Variants in NOX4 observed in about 807,000 individuals in gnomAD.
NOX4 encodes the protein NADPH oxidase 4.
A neutral mutation model predicts 87.6 loss-of-function variants in NOX4; 69 were observed. The observed-to-expected ratio is 0.79, with a 90% CI of 0.65 to 0.96. The LOEUF is 0.96. Among genes scored for constraint, NOX4 ranks in the 40% least tolerant of loss-of-function variants. The probability of loss-of-function intolerance (pLI) is 0.00; values close to 1 mark genes in which losing one functional copy is unlikely to be tolerated. For synonymous variants in NOX4, 275 were observed against 238.2 expected (o/e 1.15, Z -1.42); for missense variants, 680 against 681.5 (o/e 1.00, Z 0.02).
chr11:89,488,753 A>T (rs994162344), intron 2 of NOX4, among the ~76,000 whole-genome samples: 2 of 152,248 alleles, frequency 1.3e-5, no homozygotes, highest in African/African-American at 4.8e-5. Flanking sequence ...GTAATAGATG[A>T]GATAAAGCTT....
At chr11:89,381,036 A>G (rs1940246881) in intron 11 of NOX4, among the ~76,000 whole-genome samples, 1 of 152,308 alleles carries the variant, frequency 6.6e-6, no homozygotes, top group South Asian at 2.1e-4. Context: ...TCTTTGTGAG[A>G]TCCATAGCCA....
At chr11:89,378,714 A>G (rs1472482966) in intron 11 of NOX4, among the ~76,000 whole-genome samples, 1 of 152,122 alleles carries the variant, frequency 6.6e-6, no homozygotes, top group Non-Finnish European at 1.5e-5. Flanking sequence ...GAGAATAAAA[A>G]CGTCAAAGGT....
chr11:89,332,496 G>A (rs1945514873), intron 17 of NOX4, among the ~76,000 whole-genome samples: 1 of 151,702 alleles, frequency 6.6e-6, no homozygotes, highest in African/African-American at 2.4e-5. Flanking sequence ...TTTTCTAATA[G>A]TTTATTAAAT....
intron 8 of NOX4, among the ~76,000 whole-genome samples, chr11:89,409,355 G>A (rs546841813): frequency 6.6e-6 from 1 of 152,102 alleles, no homozygotes; most frequent in South Asian, 2.1e-4. Context: ...AAAAGTATTT[G>A]GTCTATCTCC....
the NOX4 span, among the ~76,000 whole-genome samples, chr11:89,524,196 T>G: frequency 1.3e-5 from 2 of 152,194 alleles, no homozygotes; most frequent in Non-Finnish European, 1.5e-5. Context: ...TTTCTGAAAA[T>G]GTATTAACCT....
In NOX4 at chr11:89,483,760, T is replaced by A. The variant is rs1016279055; in HGVS notation, c.153+6698A>T. Among the ~76,000 whole-genome samples the A allele has an allele frequency of 2.0e-5, 3 of 152,174 alleles. No homozygotes were observed. The South Asian group carries it at 6.2e-4, about 32-fold the overall frequency. On this transcript the variant is annotated intron_variant, in intron 2 of 17. Coordinates refer to ENST00000263317, the MANE Select transcript of NOX4 (RefSeq NM_016931.5). ...TAAGACAGTAGATTTTCTGCTTTTATCACAAAAAAAGATAAGCATGTAAGG... is the reference window on the plus strand; with the variant it reads ...TAAGACAGTAGATTTTCTGCTTTTAACACAAAAAAAGATAAGCATGTAAGG...
chr11:89,341,407 G>C (rs1187320772), intron 14 of NOX4, among the ~76,000 whole-genome samples: 1 of 152,086 alleles, frequency 6.6e-6, no homozygotes, highest in African/African-American at 2.4e-5. Flanking sequence ...ACAGGTGTGA[G>C]CCAATGTGCC....
chr11:89,586,279 ATAG>A, the NOX4 span, among the ~76,000 whole-genome samples: 1 of 152,146 alleles, frequency 6.6e-6, no homozygotes, highest in Non-Finnish European at 1.5e-5. Context: ...AAGCCTTATA[ATAG>A]TAGCAGTCAG....
At chr11:89,467,798 G>C (rs1467431050) in intron 2 of NOX4, among the ~76,000 whole-genome samples, 4 of 152,190 alleles carry the variant, frequency 2.6e-5, no homozygotes, top group Non-Finnish European at 4.4e-5. Context: ...TTTTAAGCCA[G>C]GAAGTGGCAT....
At chr11:89,569,676 C>T in the NOX4 span, among the ~76,000 whole-genome samples, 7 of 152,118 alleles carry the variant, frequency 4.6e-5, no homozygotes, top group Admixed American at 3.3e-4. Flanking sequence ...TCGGTCATCC[C>T]AGGAATTCCA....
chr11:89,501,657 C>T (rs550814731), upstream of NOX4, among the ~76,000 whole-genome samples: 2 of 152,064 alleles, frequency 1.3e-5, no homozygotes, highest in South Asian at 2.1e-4. Flanking sequence ...CCTTCCAAGC[C>T]GAACCAAGGA....
chr11:89,575,815 A>C, the NOX4 span, among the ~76,000 whole-genome samples: 3 of 149,642 alleles, frequency 2.0e-5, 1 homozygote, highest in African/African-American at 7.4e-5. Flanking sequence ...TTTCCTTTTA[A>C]TAACTTTAAG....
chr11:89,576,943 G>T, the NOX4 span: 1 of 152,008 alleles, frequency 6.6e-6, no homozygotes. Flanking sequence ...AAATTTAAAA[G>T]TTAGAGACCC....
chr11:89,576,096 G>A, the NOX4 span, among the ~76,000 whole-genome samples: 2 of 152,196 alleles, frequency 1.3e-5, no homozygotes, highest in Non-Finnish European at 2.9e-5. Context: ...TTTGGACTTG[G>A]AACCAGAGAT....
At chr11:89,352,222 T>C (rs1590994738) in intron 13 of NOX4, among the ~76,000 whole-genome samples, 1 of 152,286 alleles carries the variant, frequency 6.6e-6, no homozygotes, top group Non-Finnish European at 1.5e-5. Flanking sequence ...ACACAATCTA[T>C]CCATGTATCA....
At chr11:89,417,565 G>T (rs1471223942) in intron 8 of NOX4, among the ~76,000 whole-genome samples, 1 of 152,024 alleles carries the variant, frequency 6.6e-6, no homozygotes, top group Non-Finnish European at 1.5e-5. Flanking sequence ...TATAATTGTT[G>T]CCATATCAAG....
chr11:89,516,625 C>G, the NOX4 span, among the ~76,000 whole-genome samples: 3 of 152,110 alleles, frequency 2.0e-5, no homozygotes, highest in Non-Finnish European at 4.4e-5. Context: ...TGATCTCTGA[C>G]TGCATTTCTT....
At chr11:89,563,046 C>T in the NOX4 span, among the ~76,000 whole-genome samples, 1 of 152,136 alleles carries the variant, frequency 6.6e-6, no homozygotes, top group Non-Finnish European at 1.5e-5. Flanking sequence ...CCTGCTTCCC[C>T]TTCACCTTCT....
rs191002932 is a variant in NOX4, at chr11:89,414,343, T to G, written c.629+7559A>C. ...AATAACTGGATGGGTAATCTAATAT[T>G]TAGAGAAAATTCATAGCAAAATTCT... On this transcript the variant is annotated intron_variant, in intron 8 of 17. Transcript: ENST00000263317. 3.1e-3 allele frequency among the ~76,000 whole-genome samples: 465 copies of G among 152,104 alleles called. 4 individuals carry two copies. The highest frequency in any genetic ancestry group is 0.011 in the African/African-American group (450 of 41,554).
Sources: gnomAD v4.1 joint callset for allele counts (sites outside exome capture counted in the v4.1 genomes callset) on GRCh38, gnomAD v4.1.1 for gene constraint, MANE v1.5 for transcripts, NCBI Gene and HGNC (gene_info 2026-07-23, HGNC 2026-07-21) for gene names.